OR1L8: variants seen among roughly 807,000 people sequenced by gnomAD.
The protein encoded by OR1L8 is olfactory receptor 1L8.
For synonymous variants in OR1L8, 148 were observed against 147.0 expected (o/e 1.01, Z -0.05); for missense variants, 330 against 377.4 (o/e 0.87, Z 1.04).
the OR1L8 span, chr9:122,554,348 T>G: frequency 9.0e-6 from 5 of 556,032 alleles, no homozygotes; most frequent in Non-Finnish European, 1.6e-5. Context: ...ATGTTCTGTC[T>G]CAGCCTCTTT....
At chr9:122,551,768 T>C in the OR1L8 span, among the ~76,000 whole-genome samples, 9 of 151,924 alleles carry the variant, frequency 5.9e-5, no homozygotes, top group African/African-American at 9.7e-5. Context: ...AACGAGCACA[T>C]TGGGAGATGG....
chr9:122,568,001 C>T lies in OR1L8; in HGVS notation c.477G>A (p.Leu159=), dbSNP rs1564199764. 6.2e-7 allele frequency: 1 copy of T among 1,613,990 alleles called. No individual in the cohort carries two copies. Among genetic ancestry groups the T allele is most frequent in the South Asian group, 1.1e-5 (1 of 91,070 alleles). ...TGAGACGATTCAGCAGAAGTGTGTG[C>T]AGGAGTGAGTGGAGGTGAGGAAATG... ...SCSFPHLHSL[L]HTLLLNRLTF... is the part of the protein sequence containing the mutation. Residue 159 remains leucine (L), a synonymous_variant, in exon 5 of 5, where the codon CTG becomes CTA. Transcript: ENST00000641027.
chr9:122,564,014 G>A (rs997116837), downstream of OR1L8, among the ~76,000 whole-genome samples: 1 of 152,112 alleles, frequency 6.6e-6, no homozygotes, highest in African/African-American at 2.4e-5. Flanking sequence ...TAGCTTTATA[G>A]TATGTTTTGA....
At chr9:122,554,026 A>G in the OR1L8 span, 1 of 1,613,772 alleles carries the variant, frequency 6.2e-7, no homozygotes, top group South Asian at 1.1e-5. Flanking sequence ...TACTCTACAG[A>G]GAGGGAAAGT....
intron 3 of OR1L8, among the ~76,000 whole-genome samples, chr9:122,574,537 C>G (rs1016597170): frequency 6.6e-6 from 1 of 152,048 alleles, no homozygotes; most frequent in African/African-American, 2.4e-5. Context: ...GTATATTAAT[C>G]CTGCATTTTG....
the OR1L8 span, among the ~76,000 whole-genome samples, chr9:122,550,481 A>G: frequency 1.3e-5 from 2 of 152,202 alleles, no homozygotes; most frequent in African/African-American, 2.4e-5. Context: ...TGGTGACAAT[A>G]GATGCAAAAA....
chr9:122,556,034 C>T, the OR1L8 span, among the ~76,000 whole-genome samples: 1 of 152,130 alleles, frequency 6.6e-6, no homozygotes, highest in African/African-American at 2.4e-5. Context: ...CTAGTTATTC[C>T]CCTCTCCCCA....
Position 122,567,996 on chromosome 9 carries a change from G to A in OR1L8, c.482C>T (p.Thr161Ile), listed in dbSNP as rs62621011. 1 of 1,614,142 alleles carries A rather than the reference G, an allele frequency of 6.2e-7. No individual in the cohort carries two copies. Among genetic ancestry groups the A allele is most frequent in the Non-Finnish European group, 8.5e-7 (1 of 1,179,994 alleles). The change falls in exon 5 of 5, where the codon ACA (threonine) becomes ATA (isoleucine). Residue 161 changes from threonine (T) to isoleucine (I), a missense_variant. Coordinates refer to ENST00000641027, the MANE Select transcript of OR1L8 (RefSeq NM_001004454.2). Reference sequence around the variant, plus strand: ...GAAGGTGAGACGATTCAGCAGAAGTGTGTGCAGGAGTGAGTGGAGGTGAGG... The same window carrying A: ...GAAGGTGAGACGATTCAGCAGAAGTATGTGCAGGAGTGAGTGGAGGTGAGG... ...SFPHLHSLLH[T>I]LLLNRLTFCD...
chr9:122,547,620 AGT>A, the OR1L8 span, among the ~76,000 whole-genome samples: 15,431 of 142,612 alleles, frequency 0.11, 775 homozygotes, highest in African/African-American at 0.14. Context: ...GTAGTAGTTC[AGT>A]GTGTGTGTGT....
rs1196891785 is a variant in OR1L8, at chr9:122,567,878, C to G, written c.600G>C (p.Gln200His). 1 of 1,614,006 alleles carries G rather than the reference C, an allele frequency of 6.2e-7. No individual in the cohort carries two copies. The highest frequency in any genetic ancestry group is 2.2e-5 in the East Asian group (1 of 44,878). ...CCAAAACAATAGGTGCTTCTGTCAT[C>G]TGCACAATTTCATTGACAAATATGG... ...CSSIFVNEIV[Q>H]MTEAPIVLVT... The change falls in exon 5 of 5, where the codon CAG becomes CAC. Residue 200 changes from glutamine to histidine, a missense_variant. Physicochemically the swap from Gln to His is conservative, Grantham distance 24. Coordinates refer to ENST00000641027, the MANE Select transcript of OR1L8 (RefSeq NM_001004454.2).
In OR1L8 at chr9:122,568,344, A is replaced by T. The variant is rs777891574; in HGVS notation, c.134T>A (p.Leu45His). ...VYLVTITGNLLIILAIRFNPH... is the reference protein window; with the variant it reads ...VYLVTITGNLHIILAIRFNPH... ...GTTGAAGCGAATGGCCAGGATGATGAGCAGGTTCCCTGTTATGGTGACCAG... is the reference window on the plus strand; with the variant it reads ...GTTGAAGCGAATGGCCAGGATGATGTGCAGGTTCCCTGTTATGGTGACCAG... The change falls in exon 5 of 5, where the codon CTC becomes CAC. Residue 45 changes from leucine to histidine, a missense_variant. Leu to His is a moderately conservative substitution (Grantham distance 99). Transcript: ENST00000641027. 26 of 1,614,048 alleles carry T rather than the reference A, an allele frequency of 1.6e-5. No homozygotes were observed. The highest frequency in any genetic ancestry group is 1.0e-4 in the Admixed American group (6 of 60,000).
chr9:122,557,836 G>A, the OR1L8 span, among the ~76,000 whole-genome samples: 1 of 151,974 alleles, frequency 6.6e-6, no homozygotes, highest in Non-Finnish European at 1.5e-5. Flanking sequence ...ATCCCATCTA[G>A]GCCTGGTACT....
downstream of OR1L8, among the ~76,000 whole-genome samples, chr9:122,564,523 A>C (rs918763381): frequency 2.0e-5 from 3 of 152,196 alleles, no homozygotes; most frequent in Admixed American, 2.0e-4. Flanking sequence ...TCGTGCCACC[A>C]TCAAGGACTT....
At chr9:122,562,715 G>T (rs1217497839), downstream of OR1L8, among the ~76,000 whole-genome samples, 6 of 152,126 alleles carry the variant, frequency 3.9e-5, no homozygotes, top group Non-Finnish European at 7.4e-5. Flanking sequence ...TGTTTTGGTT[G>T]TTTTCTGAAT....
rs1829760805 is a variant in OR1L8, at chr9:122,583,317, TCA to T, written c.-600+2_-600+3del. The stretch of plus-strand genomic sequence containing the variant: ...AAAAAAACAGTAAAATATGAGAAAC[TCA>T]CAGTCAAGAGAAGCCGAAGGAGACA... On this transcript the variant is annotated splice_donor_variant and splice_donor_region_variant and intron_variant, in intron 1 of 4. Transcript: ENST00000641027. LOFTEE classifies it low-confidence loss of function (5UTR_SPLICE). The T allele has an allele frequency of 6.6e-6, 1 of 150,750 alleles. No homozygotes were observed. 9.3% of individuals were successfully genotyped at this position (150,750 alleles called of 1,614,324 possible). A position where few individuals can be genotyped will look rare whatever the true frequency, so the allele number is the denominator to read the frequency against.
At chr9:122,563,596 C>T (rs571198198), downstream of OR1L8, among the ~76,000 whole-genome samples, 4 of 152,318 alleles carry the variant, frequency 2.6e-5, no homozygotes, top group Admixed American at 6.5e-5. Context: ...TCCTCTGCTG[C>T]GCAGATGCAA....
At chr9:122,566,003 A>G (rs562406213), downstream of OR1L8, among the ~76,000 whole-genome samples, 1 of 152,210 alleles carries the variant, frequency 6.6e-6, no homozygotes, top group South Asian at 2.1e-4. Context: ...GGATCTATGG[A>G]GTATGATCCA....
At chr9:122,553,795 C>T in the OR1L8 span, 1 of 1,614,070 alleles carries the variant, frequency 6.2e-7, no homozygotes, top group African/African-American at 1.3e-5. Context: ...TGCTCAGATA[C>T]CCATGTAAAC....
chr9:122,551,707 A>G, the OR1L8 span, among the ~76,000 whole-genome samples: 3 of 152,144 alleles, frequency 2.0e-5, no homozygotes, highest in Non-Finnish European at 4.4e-5. Context: ...CCTAGGATCC[A>G]GCCAGAGTTG....
Sources: gnomAD v4.1 joint callset for allele counts (sites outside exome capture counted in the v4.1 genomes callset) on GRCh38, gnomAD v4.1.1 for gene constraint, MANE v1.5 for transcripts, NCBI Gene and HGNC (gene_info 2026-07-23, HGNC 2026-07-21) for gene names.